Variants in FBXO25 observed in about 807,000 individuals in gnomAD.
FBXO25 encodes F-box protein 25, also known as F-box only protein 25.
FBXO25 carries 45 observed loss-of-function variants against 51.9 expected under a neutral mutation model. That is an observed-to-expected ratio of 0.87 (90% CI 0.68 to 1.11). FBXO25 has a LOEUF of 1.11. Among genes scored for constraint, FBXO25 ranks in the 50% most tolerant of loss-of-function variants. FBXO25 has a pLI of 0.00. For missense variants in FBXO25, 507 were observed against 428.5 expected (o/e 1.18, Z -1.62); for synonymous variants, 199 against 151.0 (o/e 1.32, Z -2.33).
Position 477,938 on chromosome 8 carries a change from A to C in FBXO25, c.*9134A>C, listed in dbSNP as rs1455859980. On this transcript the variant is annotated 3_prime_UTR_variant, in exon 10 of 10. Transcript: ENST00000350302. ...TGATTTATACTTTTGTATCTATTTG[A>C]CATTTTCCATTAAAAGTTATATAAC... 6.6e-6 allele frequency: 1 copy of C among 152,144 alleles called. No individual in the cohort carries two copies. The highest frequency in any genetic ancestry group is 1.5e-5 in the Non-Finnish European group (1 of 68,020). 9.4% of individuals were successfully genotyped at this position (152,144 alleles called of 1,614,324 possible).
chr8:462,865 C>G, intron 8 of FBXO25, 142 bp from the exon 9 acceptor site: 1 of 980,052 alleles, frequency 1.0e-6, no homozygotes, highest in East Asian at 2.7e-5. Flanking sequence ...ATCCATGTAA[C>G]CAAAACCCAC....
intron 5 of FBXO25, among the ~76,000 whole-genome samples, chr8:449,485 C>G (rs1798942979): frequency 6.6e-6 from 1 of 152,140 alleles, no homozygotes; most frequent in Non-Finnish European, 1.5e-5. Context: ...TTTTTAAATA[C>G]AAAATGGTAT....
intron 5 of FBXO25, among the ~76,000 whole-genome samples, chr8:445,774 G>A (rs1243927338): frequency 6.6e-6 from 1 of 152,196 alleles, no homozygotes; most frequent in Non-Finnish European, 1.5e-5. Flanking sequence ...GGGAAGCTGA[G>A]GCTAGAGAAT....
At chr8:450,338 C>T (rs1799002060) in intron 6 of FBXO25, among the ~76,000 whole-genome samples, 1 of 152,132 alleles carries the variant, frequency 6.6e-6, no homozygotes, top group South Asian at 2.1e-4. Flanking sequence ...CTTAAAAAAG[C>T]TATTTTACTT....
intron 1 of FBXO25, among the ~76,000 whole-genome samples, chr8:408,672 A>T (rs974377269): frequency 2.0e-5 from 3 of 151,672 alleles, no homozygotes; most frequent in Non-Finnish European, 2.9e-5. Context: ...AAGGAAAGAC[A>T]TTTTTTTTTG....
Position 473,990 on chromosome 8 carries a change from G to A in FBXO25, c.*5186G>A, listed in dbSNP as rs770124731. On this transcript the variant is annotated 3_prime_UTR_variant, in exon 10 of 10. Coordinates refer to ENST00000350302, the MANE Select transcript of FBXO25 (RefSeq NM_183420.2). Reference sequence around the variant, plus strand: ...ACCTATTTTAAGTGTGCAATTTAGTGGCATTAAATACATTCATACTGTGCA... The same window carrying A: ...ACCTATTTTAAGTGTGCAATTTAGTAGCATTAAATACATTCATACTGTGCA... The A allele has an allele frequency of 6.6e-6, 1 of 152,084 alleles. No homozygotes were observed. The highest frequency in any genetic ancestry group is 2.4e-5 in the African/African-American group (1 of 41,408). 9.4% of individuals were successfully genotyped at this position (152,084 alleles called of 1,614,324 possible).
chr8:440,304 T>C (rs1221951963), intron 5 of FBXO25, among the ~76,000 whole-genome samples: 2 of 152,252 alleles, frequency 1.3e-5, no homozygotes, highest in Non-Finnish European at 2.9e-5. Flanking sequence ...CAGTCTGTAC[T>C]CTGTGTTAGC....
rs1800666961 is a variant in FBXO25 at position 477,037 on chromosome 8, C to T, written c.*8233C>T. 6.6e-6 allele frequency: 1 copy of T among 152,130 alleles called. No individual in the cohort carries two copies. Among genetic ancestry groups the T allele is most frequent in the African/African-American group, 2.4e-5 (1 of 41,408 alleles). 9.4% of individuals were successfully genotyped at this position (152,130 alleles called of 1,614,324 possible). A position where few individuals can be genotyped will look rare whatever the true frequency, so the allele number is the denominator to read the frequency against. On this transcript the variant is annotated 3_prime_UTR_variant, in exon 10 of 10. Transcript: ENST00000350302. ...TATTTTCTAATTTCCCTTGTGAGTT[C>T]CCCATTAATCTGCTGGTTGAGAGCG...
At chr8:415,000 C>CT (rs763968474) in intron 2 of FBXO25, among the ~76,000 whole-genome samples, 3 of 152,180 alleles carry the variant, frequency 2.0e-5, no homozygotes, top group Non-Finnish European at 4.4e-5. Flanking sequence ...TTAATGTATC[C>CT]TTTCTCTGGA....
chr8:419,624 A>G (rs1055265828), intron 2 of FBXO25, among the ~76,000 whole-genome samples: 2 of 152,192 alleles, frequency 1.3e-5, no homozygotes, highest in African/African-American at 4.8e-5. Flanking sequence ...AAAATAAATA[A>G]AAACCTGTAC....
chr8:430,219 A>G (rs1442673971), intron 2 of FBXO25, among the ~76,000 whole-genome samples: 6 of 152,250 alleles, frequency 3.9e-5, no homozygotes, highest in African/African-American at 1.4e-4. Flanking sequence ...TAAAGCTTCT[A>G]CATTCAGTAT....
intron 5 of FBXO25, among the ~76,000 whole-genome samples, chr8:446,167 T>C (rs1798724824): frequency 6.6e-6 from 1 of 152,066 alleles, no homozygotes; most frequent in Non-Finnish European, 1.5e-5. Context: ...GAAAATCATA[T>C]CTTAGTGAAA....
In FBXO25 at chr8:473,521, G is replaced by T. The variant is rs548837759; in HGVS notation, c.*4717G>T. 6.6e-6 allele frequency: 1 copy of T among 152,318 alleles called. No homozygotes were observed. The highest frequency in any genetic ancestry group is 2.4e-5 in the African/African-American group (1 of 41,560). The allele number at this position is 152,318 out of a possible 1,614,324, so 9.4% of individuals were successfully genotyped here. On this transcript the variant is annotated 3_prime_UTR_variant, in exon 10 of 10. Transcript: ENST00000350302. ...CTTTTCACGTGAATGCCTAGGAGAG[G>T]CTGTTAACCCTCCTAGTTGTCCTTT...
At chr8:428,792 A>C (rs972540801) in intron 2 of FBXO25, among the ~76,000 whole-genome samples, 12 of 152,242 alleles carry the variant, frequency 7.9e-5, no homozygotes, top group Non-Finnish European at 2.9e-5. Context: ...CAAATCAGAC[A>C]GTATGTGTCC....
At chr8:458,596 ACT>A (rs772591066) in intron 8 of FBXO25, 45 bp downstream of exon 8, 4 of 1,589,330 alleles carry the variant, frequency 2.5e-6, no homozygotes, top group Admixed American at 3.4e-5. Context: ...GAGTTTATAG[ACT>A]CTGCCTGGGG....
At chr8:417,508 A>C (rs1239138739) in intron 2 of FBXO25, among the ~76,000 whole-genome samples, 3 of 152,218 alleles carry the variant, frequency 2.0e-5, no homozygotes, top group African/African-American at 4.8e-5. Flanking sequence ...GGTGAGACTA[A>C]GACTTTGGCC....
Position 463,022 on chromosome 8 carries a change from A to G in FBXO25, c.859A>G (p.Ile287Val), listed in dbSNP as rs746363203. 2 of 1,611,052 alleles carry G rather than the reference A, an allele frequency of 1.2e-6. No individual in the cohort carries two copies. The highest frequency in any genetic ancestry group is 2.2e-5 in the South Asian group (2 of 89,754). Residue 287 changes from isoleucine to valine, a missense_variant, in exon 9 of 10, where the codon ATC (isoleucine) becomes GTC (valine). Ile to Val is a conservative substitution (Grantham distance 29). Coordinates refer to ENST00000350302, the MANE Select transcript of FBXO25 (RefSeq NM_183420.2). ...FAEKQFCRHL[I>V]LSEKGHIEWK... Reference sequence around the variant, plus strand: ...GTTTGTTTAGTTTTGTAGACATTTGATCCTTTCAGAAAAAGGTCATATTGA... The same window carrying G: ...GTTTGTTTAGTTTTGTAGACATTTGGTCCTTTCAGAAAAAGGTCATATTGA...
chr8:446,608 T>G (rs1409649713), intron 5 of FBXO25, among the ~76,000 whole-genome samples: 1 of 152,226 alleles, frequency 6.6e-6, no homozygotes, highest in Non-Finnish European at 1.5e-5. Context: ...AGGGGTGCTA[T>G]TCAACACTAA....
intron 5 of FBXO25, among the ~76,000 whole-genome samples, chr8:449,368 C>T (rs1190369637): frequency 6.6e-6 from 1 of 152,234 alleles, no homozygotes; most frequent in East Asian, 1.9e-4. Flanking sequence ...CCACAGGAGA[C>T]CTCTACTTCG....
Sources: allele counts gnomAD v4.1 joint callset (sites outside exome capture counted in the v4.1 genomes callset), GRCh38; gene constraint gnomAD v4.1.1; transcripts MANE v1.5; gene names NCBI Gene and HGNC (gene_info 2026-07-23, HGNC 2026-07-21).